Variants in DOCK9 observed in about 807,000 individuals in gnomAD.
The protein encoded by DOCK9 is dedicator of cytokinesis 9, also known as dedicator of cytokinesis protein 9.
DOCK9 carries 89 observed loss-of-function variants against 263.3 expected under a neutral mutation model. That is an observed-to-expected ratio of 0.34 (90% CI 0.28 to 0.40). The LOEUF (loss-of-function observed/expected upper bound fraction) is 0.40. Ranked by LOEUF, DOCK9 falls within the 10% of genes least tolerant of loss-of-function variation. DOCK9 has a pLI of 1.00. For missense variants in DOCK9, 2,140 were observed against 2,603.4 expected, an observed-to-expected ratio of 0.82 and a Z score of 3.87; for synonymous variants, 976 against 973.1, an observed-to-expected ratio of 1.00 and a Z score of -0.06.
chr13:99,008,185 C>CCT (rs370963218), intron 1 of DOCK9, among the ~76,000 whole-genome samples: 19,702 of 99,844 alleles, frequency 0.2, 2,297 homozygotes, highest in Non-Finnish European at 0.26. Flanking sequence ...TATTGTGCAG[C>CCT]CTCTCTCTCT....
At position 98,837,289 on chromosome 13, in the gene DOCK9, A is replaced by G. The variant is rs375809489; in HGVS notation, c.4314+205T>C. On this transcript the variant is annotated intron_variant, in intron 39 of 52. Coordinates refer to ENST00000682017, the MANE Select transcript of DOCK9 (RefSeq NM_001366683.2). Reference sequence around the variant, plus strand: ...CCCAAGCGCGCAGCACACACTGACCAGTTAAATTTTATTTCAGGGCATTCA... The same window carrying G: ...CCCAAGCGCGCAGCACACACTGACCGGTTAAATTTTATTTCAGGGCATTCA... Among the ~76,000 whole-genome samples, 133 of 152,340 alleles carry G rather than the reference A, an allele frequency of 8.7e-4. 2 individuals are homozygous for G. The highest frequency in any genetic ancestry group is 3.0e-3 in the African/African-American group (124 of 41,584).
intron 7 of DOCK9, among the ~76,000 whole-genome samples, chr13:98,915,829 G>A (rs1021121152): frequency 2.0e-5 from 3 of 151,966 alleles, no homozygotes; most frequent in African/African-American, 7.3e-5. Flanking sequence ...TAGTCTCTAT[G>A]GACTCTACAG....
chr13:99,048,411 G>T (rs1221175377), intron 1 of DOCK9, among the ~76,000 whole-genome samples: 1 of 152,152 alleles, frequency 6.6e-6, no homozygotes, highest in African/African-American at 2.4e-5. Context: ...AAATAAGAAG[G>T]AATTTTGAAT....
In DOCK9 at chr13:98,805,139, T is replaced by C. The variant is rs1176163774; in HGVS notation, c.5585A>G (p.Glu1862Gly). The change falls in exon 49 of 53, where the codon GAA becomes GGA. Residue 1862 changes from glutamate (E) to glycine (G), a missense_variant. Transcript: ENST00000682017. ...TGTTTTCCTTTCTTGCAACTCTTTT[T>C]CGTCAAAGAAGGGGATGACGTGAGT... ...QVTHVIPFFD[E>G]KELQERKTEF... 1.2e-6 allele frequency: 2 copies of C among 1,609,350 alleles called. No individual in the cohort carries two copies. The highest frequency in any genetic ancestry group is 2.7e-5 in the African/African-American group (2 of 74,896).
At chr13:98,917,911 T>C (rs556901717) in intron 7 of DOCK9, among the ~76,000 whole-genome samples, 4 of 152,132 alleles carry the variant, frequency 2.6e-5, no homozygotes, top group Non-Finnish European at 5.9e-5. Context: ...CCCCTTTAAA[T>C]GGGGCACTGG....
chr13:98,978,644 C>T (rs1316481958), upstream of DOCK9, among the ~76,000 whole-genome samples: 1 of 152,138 alleles, frequency 6.6e-6, no homozygotes, highest in Admixed American at 6.5e-5. Flanking sequence ...CAGAATATTA[C>T]TTTAAGTCCA....
At position 98,930,887 on chromosome 13, in the gene DOCK9, AC is replaced by A. The variant is rs537842219; in HGVS notation, c.244-631del. Among the ~76,000 whole-genome samples the A allele has an allele frequency of 3.9e-5, 6 of 151,990 alleles. No individual in the cohort carries two copies. The South Asian group carries it at 8.3e-4, about 21-fold the overall frequency. On this transcript the variant is annotated intron_variant, in intron 2 of 52. Coordinates refer to ENST00000682017, the MANE Select transcript of DOCK9 (RefSeq NM_001366683.2). ...TCGAACTCCTAATCTCAGGTGATCC[AC>A]CCGCCTCGGCCTCCCAAAGTGCTGG...
At chr13:99,086,698 C>A (rs1485237564), upstream of DOCK9, 1 of 146,466 alleles carries the variant, frequency 6.8e-6, no homozygotes, top group Non-Finnish European at 1.5e-5. Context: ...GCGGGGTGTC[C>A]GGCGCGGCGC....
At chr13:98,860,741 G>A (rs1218287192) in intron 32 of DOCK9, among the ~76,000 whole-genome samples, 2 of 151,146 alleles carry the variant, frequency 1.3e-5, no homozygotes, top group African/African-American at 4.9e-5. Flanking sequence ...GGGTGGGGGT[G>A]GGGGAGAGAA....
At chr13:98,845,473 A>T (rs765858862) in intron 38 of DOCK9, 23 of 732,152 alleles carry the variant, frequency 3.1e-5, no homozygotes, top group Non-Finnish European at 4.2e-5. Flanking sequence ...AAGGATTAAC[A>T]TCCATTCAGA....
intron 48 of DOCK9, among the ~76,000 whole-genome samples, chr13:98,807,068 C>T (rs1282018298): frequency 6.6e-6 from 1 of 152,150 alleles, no homozygotes; most frequent in African/African-American, 2.4e-5. Context: ...CTTCAGGAAG[C>T]AGAGGGAGAC....
chr13:98,890,240 T>C lies in DOCK9; in HGVS notation c.1710-1529A>G, dbSNP rs138623074. On this transcript the variant is annotated intron_variant, in intron 15 of 52. Transcript: ENST00000682017. ...TTGATAAAGATACTGCACAGTATAT[T>C]GCCAAGAACAGGCTCCTTCCCAAGT... Among the ~76,000 whole-genome samples, 81 of 152,296 alleles carry C rather than the reference T, an allele frequency of 5.3e-4. 2 individuals are homozygous for C. In the East Asian group the frequency reaches 0.015, roughly 28 times the overall value.
intron 15 of DOCK9, among the ~76,000 whole-genome samples, chr13:98,890,056 T>C (rs528376617): frequency 6.6e-6 from 1 of 152,238 alleles, no homozygotes; most frequent in Non-Finnish European, 1.5e-5. Flanking sequence ...GAGAATTTAA[T>C]TTTTGTCTTG....
chr13:99,045,164 C>G (rs1240576880), intron 1 of DOCK9, among the ~76,000 whole-genome samples: 1 of 152,062 alleles, frequency 6.6e-6, no homozygotes, highest in Non-Finnish European at 1.5e-5. Context: ...GGGTACTTGC[C>G]CAAAGAAAAT....
At chr13:99,086,314 G>C (rs1389726799) in exon 1 of DOCK9, 1 of 1,481,052 alleles carries the variant, frequency 6.8e-7, no homozygotes, top group Admixed American at 2.3e-5. Context: ...GAACTTCCGA[G>C]TCTCCGCCGA....
chr13:98,876,138 T>C (rs780083287), intron 27 of DOCK9, among the ~76,000 whole-genome samples: 2 of 152,212 alleles, frequency 1.3e-5, no homozygotes, highest in Non-Finnish European at 2.9e-5. Flanking sequence ...CTGGCTGTTA[T>C]GAATCCAGGG....
At chr13:98,835,883 G>T (rs563660996) in intron 39 of DOCK9, among the ~76,000 whole-genome samples, 1 of 151,762 alleles carries the variant, frequency 6.6e-6, no homozygotes, top group African/African-American at 2.4e-5. Flanking sequence ...GACTACAAGC[G>T]CACGCCACCA....
At chr13:98,967,039 T>A (rs1038030409) in intron 1 of DOCK9, among the ~76,000 whole-genome samples, 4 of 152,250 alleles carry the variant, frequency 2.6e-5, no homozygotes, top group African/African-American at 9.6e-5. Context: ...TCATGTTTGA[T>A]AACCACTCTA....
At chr13:98,992,624 A>C (rs563515089) in intron 1 of DOCK9, among the ~76,000 whole-genome samples, 4 of 152,220 alleles carry the variant, frequency 2.6e-5, no homozygotes, top group South Asian at 4.1e-4. Context: ...AATAAAAGGG[A>C]GTTCCCCAGC....
Sources: allele counts gnomAD v4.1 joint callset (sites outside exome capture counted in the v4.1 genomes callset), GRCh38; gene constraint gnomAD v4.1.1; transcripts MANE v1.5; gene names NCBI Gene and HGNC (gene_info 2026-07-23, HGNC 2026-07-21).